TCTN1: variants seen among roughly 807,000 people sequenced by gnomAD.
The protein encoded by TCTN1 is tectonic family member 1, also known as tectonic-1.
A neutral mutation model predicts 65.8 loss-of-function variants in TCTN1; 58 were observed. The observed-to-expected ratio is 0.88, with a 90% CI of 0.71 to 1.10. The LOEUF (loss-of-function observed/expected upper bound fraction) is 1.10, where lower values mean the gene tolerates loss of function less well. Ranked by LOEUF, TCTN1 falls within the 50% of genes least tolerant of loss-of-function variation. The pLI is 0.00. For synonymous variants in TCTN1, 273 were observed against 289.1 expected (o/e 0.94, Z 0.57); for missense variants, 645 against 719.4 (o/e 0.90, Z 1.18).
intron 1 of TCTN1, 156 bp downstream of exon 1, chr12:110,614,558 A>G: frequency 7.7e-6 from 11 of 1,431,090 alleles, no homozygotes; most frequent in Non-Finnish European, 1.0e-5. Context: ...CTAAACAATA[A>G]CCCTGAGAAG....
Position 110,628,896 on chromosome 12 carries a change from T to G in TCTN1, c.602T>G (p.Ile201Ser). The G allele has an allele frequency of 6.2e-7, 1 of 1,613,732 alleles. No individual in the cohort carries two copies. Among genetic ancestry groups the G allele is most frequent in the African/African-American group, 1.3e-5 (1 of 75,050 alleles). ...SYVSFTTKLD[I>S]PTAAKYEYGV... The stretch of plus-strand genomic sequence containing the variant: ...GTTTCCTTCACAACCAAACTGGATA[T>G]TCCTACTGCTGCTAAATATGAGGTG... Residue 201 changes from isoleucine (I) to serine (S), a missense_variant, in exon 4 of 15, where the codon ATT (isoleucine) becomes AGT (serine). Ile to Ser is a moderately radical substitution (Grantham distance 142). Transcript: ENST00000397659.
Position 110,649,395 on chromosome 12 carries a change from G to A in TCTN1, c.*354G>A. 6.2e-7 allele frequency: 1 copy of A among 1,601,030 alleles called. No individual in the cohort carries two copies. The highest frequency in any genetic ancestry group is 8.5e-7 in the Non-Finnish European group (1 of 1,170,126). ...ATGAGACAGTGTCTTCTTTTTGAGG[G>A]GAGCTGGTCCGGGTCTAGTTCACTT... On this transcript the variant is annotated 3_prime_UTR_variant, in exon 15 of 15. Coordinates refer to ENST00000397659, the MANE Select transcript of TCTN1 (RefSeq NM_001082538.3).
chr12:110,627,694 T>G, intron 3 of TCTN1: 47 of 424,118 alleles, frequency 1.1e-4, no homozygotes, highest in Middle Eastern at 6.4e-4. Context: ...TACCTGTGGT[T>G]TCTATTTCCT....
intron 2 of TCTN1, among the ~76,000 whole-genome samples, chr12:110,623,683 G>A (rs985744730): frequency 6.6e-6 from 1 of 152,088 alleles, no homozygotes; most frequent in Non-Finnish European, 1.5e-5. Flanking sequence ...CTTGCTCCTG[G>A]GCTCAAGCAG....
At position 110,647,992 on chromosome 12, in the gene TCTN1, T is replaced by C. The variant is rs527686919; in HGVS notation, c.*1+99T>C. 53 of 1,563,066 alleles carry C rather than the reference T, an allele frequency of 3.4e-5. 1 individual carries two copies. The South Asian group carries it at 5.4e-4, about 16-fold the overall frequency. The stretch of plus-strand genomic sequence containing the variant: ...TAGGGGATACTGCATTTTATACTTT[T>C]TGAGGGTCTCGCTTTGTTGCCCAGG... On this transcript the variant is annotated intron_variant, in intron 14 of 14. Coordinates refer to ENST00000397659, the MANE Select transcript of TCTN1 (RefSeq NM_001082538.3).
intron 14 of TCTN1, chr12:110,648,794 G>A (rs1471013357): frequency 3.2e-6 from 1 of 310,468 alleles, no homozygotes; most frequent in Admixed American, 5.2e-5. Flanking sequence ...GGAAAAGAGA[G>A]AGTTTATTTT....
At chr12:110,629,124 C>T in intron 4 of TCTN1, 1 of 647,290 alleles carries the variant, frequency 1.5e-6, no homozygotes, top group Non-Finnish European at 2.6e-6. Flanking sequence ...AAATGTAAGA[C>T]CTAAAACCAT....
Position 110,649,406 on chromosome 12 carries a change from G to A in TCTN1, c.*365G>A, listed in dbSNP as rs746773382. 1.3e-5 allele frequency: 21 copies of A among 1,605,870 alleles called. No homozygotes were observed. Among genetic ancestry groups the A allele is most frequent in the South Asian group, 1.0e-4 (9 of 90,068 alleles). ...TCTTCTTTTTGAGGGGAGCTGGTCC[G>A]GGTCTAGTTCACTTCACCAAGAAGT... On this transcript the variant is annotated 3_prime_UTR_variant, in exon 15 of 15. Transcript: ENST00000397659.
intron 2 of TCTN1, among the ~76,000 whole-genome samples, chr12:110,623,539 C>G (rs112252432): frequency 8.5e-5 from 13 of 152,228 alleles, no homozygotes; most frequent in African/African-American, 2.9e-4. Context: ...AGTTCCAGTT[C>G]AGGAAACATA....
intron 7 of TCTN1, among the ~76,000 whole-genome samples, chr12:110,637,421 G>A (rs2066649930): frequency 6.6e-6 from 1 of 152,222 alleles, no homozygotes; most frequent in Non-Finnish European, 1.5e-5. Flanking sequence ...GTGACTTTGG[G>A]TCTCACACAA....
At position 110,628,824 on chromosome 12, in the gene TCTN1, C is replaced by T. The variant is rs2066030374; in HGVS notation, c.530C>T (p.Thr177Ile). 6.2e-7 allele frequency: 1 copy of T among 1,612,766 alleles called. No homozygotes were observed. The highest frequency in any genetic ancestry group is 1.3e-5 in the African/African-American group (1 of 75,008). The part of the protein sequence containing the change: ...PEVPDENNFD[T>I]LMKTSDGFTL... ...GTACCTGATGAAAACAATTTTGATA[C>T]ATTGATGAAAACATCTGATGGTTTT... Residue 177 changes from threonine (T) to isoleucine (I), a missense_variant, in exon 4 of 15, where the codon ACA (threonine) becomes ATA (isoleucine). Coordinates refer to ENST00000397659, the MANE Select transcript of TCTN1 (RefSeq NM_001082538.3).
chr12:110,617,238 G>A (rs2065104868), intron 1 of TCTN1, among the ~76,000 whole-genome samples: 1 of 152,076 alleles, frequency 6.6e-6, no homozygotes, highest in Non-Finnish European at 1.5e-5. Flanking sequence ...ACTTTAGGGG[G>A]AAAGCTTTTG....
intron 3 of TCTN1, 114 bp downstream of exon 3, chr12:110,626,606 GT>G: frequency 3.5e-6 from 4 of 1,141,090 alleles, no homozygotes; most frequent in Non-Finnish European, 4.9e-6. Flanking sequence ...TTGAGACAGA[GT>G]CTTGCTCTGT....
At chr12:110,636,857 C>A (rs998656224) in intron 7 of TCTN1, among the ~76,000 whole-genome samples, 1 of 152,234 alleles carries the variant, frequency 6.6e-6, no homozygotes, top group Non-Finnish European at 1.5e-5. Flanking sequence ...GCTGCCCGTC[C>A]AGGGCAGAAG....
intron 3 of TCTN1, chr12:110,627,912 T>C: frequency 1.1e-6 from 1 of 887,940 alleles, no homozygotes; most frequent in Non-Finnish European, 1.7e-6. Flanking sequence ...GGTTTTGTTC[T>C]CTTGTGATTG....
Position 110,639,676 on chromosome 12 carries a change from T to C in TCTN1, c.844-707T>C, listed in dbSNP as rs2136118448. ...TGGAGTTTTGTGTGTATTTGAGATA[T>C]AATTCATATACCATAAAACTCACCA... On this transcript the variant is annotated intron_variant, in intron 7 of 14. Transcript: ENST00000397659. This position sits in a 1 kb window ranked among gnomAD's most constrained non-coding sequence, Gnocchi z 4.9. Among the ~76,000 whole-genome samples the C allele has an allele frequency of 6.6e-6, 1 of 152,264 alleles. No homozygotes were observed. Among genetic ancestry groups the C allele is most frequent in the African/African-American group, 2.4e-5 (1 of 41,540 alleles).
chr12:110,621,784 T>G (rs2065449862), intron 2 of TCTN1, among the ~76,000 whole-genome samples: 1 of 151,562 alleles, frequency 6.6e-6, no homozygotes, highest in Non-Finnish European at 1.5e-5. Context: ...GAAGATCTCT[T>G]TTCTCCTTAA....
chr12:110,617,962 G>T (rs1321019399), intron 1 of TCTN1, among the ~76,000 whole-genome samples: 2 of 151,994 alleles, frequency 1.3e-5, no homozygotes, highest in African/African-American at 4.8e-5. Flanking sequence ...TTTTTCTAAA[G>T]CTCCTTTTTA....
Position 110,644,896 on chromosome 12 carries a change from A to G in TCTN1, c.1332-71A>G, listed in dbSNP as rs376833278. 1.3e-6 allele frequency: 2 copies of G among 1,593,022 alleles called. No individual in the cohort carries two copies. The highest frequency in any genetic ancestry group is 2.7e-5 in the African/African-American group (2 of 74,472). ...TAAATAAACAAAGGGAAGGAAAGGAAGAAGAAAATGAAAAACTGCTGGTGG... is the reference window on the plus strand; with the variant it reads ...TAAATAAACAAAGGGAAGGAAAGGAGGAAGAAAATGAAAAACTGCTGGTGG... On this transcript the variant is annotated intron_variant, in intron 11 of 14. Transcript: ENST00000397659. The surrounding 1 kb of genome is among the most constrained non-coding windows in gnomAD (Gnocchi z 4.6).
Sources: gnomAD v4.1 joint callset for allele counts (sites outside exome capture counted in the v4.1 genomes callset) on GRCh38, gnomAD v4.1.1 for gene constraint, Gnocchi (gnomAD v3.1) non-coding constraint, MANE v1.5 for transcripts, NCBI Gene and HGNC (gene_info 2026-07-23, HGNC 2026-07-21) for gene names.